The following CTNNA3 variants were observed in gnomAD, a reference collection of about 807,000 sequenced individuals.
CTNNA3 encodes catenin alpha 3, also known as catenin alpha-3.
CTNNA3 carries 76 observed loss-of-function variants against 95.7 expected under a neutral mutation model. The ratio of observed to expected loss-of-function variants is 0.79; its 90% confidence interval spans 0.66 to 0.96. The LOEUF (loss-of-function observed/expected upper bound fraction) is 0.96, where lower values mean the gene tolerates loss of function less well. Ranked by LOEUF, CTNNA3 falls within the 40% of genes least tolerant of loss-of-function variation. The pLI is 0.00. For missense variants in CTNNA3, 1,191 were observed against 1,089.8 expected, an observed-to-expected ratio of 1.09 and a Z score of -1.31; for synonymous variants, 431 against 374.4, an observed-to-expected ratio of 1.15 and a Z score of -1.74.
intron 12 of CTNNA3, among the ~76,000 whole-genome samples, chr10:66,369,908 C>G (rs1408670001): frequency 6.6e-6 from 1 of 151,992 alleles, no homozygotes. Context: ...ATTGTAACCA[C>G]CCCCACCCAA....
At chr10:66,047,040 T>C (rs535688278) in intron 15 of CTNNA3, among the ~76,000 whole-genome samples, 46 of 152,298 alleles carry the variant, frequency 3.0e-4, no homozygotes, top group Middle Eastern at 3.4e-3. Flanking sequence ...AGCCGAATTC[T>C]ACTAGATGTA....
chr10:67,365,680 C>T lies in CTNNA3; in HGVS notation c.580-145810G>A, dbSNP rs1439376327. On this transcript the variant is annotated intron_variant, in intron 5 of 17. Transcript: ENST00000433211. ...GCAAATCAAAACTATGATGAGATAC[C>T]ATCTCACGCCAGTTAGAATGGCAAT... is the stretch of plus-strand genomic sequence containing the variant. 6.8e-4 allele frequency among the ~76,000 whole-genome samples: 104 copies of T among 152,172 alleles called. 1 individual carries two copies. The highest frequency in any genetic ancestry group is 6.8e-3 in the Admixed American group (104 of 15,274).
intron 17 of CTNNA3, among the ~76,000 whole-genome samples, chr10:65,956,600 T>C (rs1343705238): frequency 6.6e-6 from 1 of 152,200 alleles, no homozygotes; most frequent in African/African-American, 2.4e-5. Flanking sequence ...TTTGTTCTCA[T>C]TGGTTTCAAA....
At chr10:66,804,034 G>A (rs1267147660) in intron 7 of CTNNA3, among the ~76,000 whole-genome samples, 1 of 149,646 alleles carries the variant, frequency 6.7e-6, no homozygotes, top group Non-Finnish European at 1.5e-5. Context: ...ACTGACATTT[G>A]TGAATATGAT....
At chr10:66,372,291 A>T (rs139488277) in intron 12 of CTNNA3, among the ~76,000 whole-genome samples, 1 of 152,324 alleles carries the variant, frequency 6.6e-6, no homozygotes, top group African/African-American at 2.4e-5. Flanking sequence ...GTAAATCTGA[A>T]TTAGTCATTT....
At chr10:66,147,587 G>A (rs1192837074) in intron 13 of CTNNA3, among the ~76,000 whole-genome samples, 6 of 147,470 alleles carry the variant, frequency 4.1e-5, no homozygotes, top group Non-Finnish European at 8.9e-5. Context: ...AGCCTTTTGA[G>A]GGACACTCAG....
intron 7 of CTNNA3, among the ~76,000 whole-genome samples, chr10:66,903,969 A>G (rs1397259468): frequency 6.6e-6 from 1 of 152,228 alleles, no homozygotes; most frequent in Non-Finnish European, 1.5e-5. Flanking sequence ...TAATTTATAG[A>G]TTCAAAGTCG....
intron 15 of CTNNA3, among the ~76,000 whole-genome samples, chr10:66,062,541 C>T (rs905333276): frequency 3.3e-5 from 5 of 152,038 alleles, no homozygotes; most frequent in Admixed American, 6.6e-5. Context: ...AAAAACATTA[C>T]GGTGTCTGAG....
At chr10:66,888,302 T>A (rs1845123364) in intron 7 of CTNNA3, among the ~76,000 whole-genome samples, 1 of 152,092 alleles carries the variant, frequency 6.6e-6, no homozygotes, top group African/African-American at 2.4e-5. Context: ...CTGTAAACAC[T>A]TTAAGAGTAA....
At chr10:66,497,423 AAGT>A (rs963743085) in intron 11 of CTNNA3, among the ~76,000 whole-genome samples, 4 of 152,006 alleles carry the variant, frequency 2.6e-5, no homozygotes, top group African/African-American at 9.7e-5. Context: ...TTAATGGAGA[AAGT>A]AGTTTTCTAG....
At chr10:65,954,127 T>C (rs184126292) in intron 17 of CTNNA3, among the ~76,000 whole-genome samples, 587 of 152,366 alleles carry the variant, frequency 3.9e-3, no homozygotes, top group Non-Finnish European at 5.0e-3. Context: ...TGCATTTCTC[T>C]GATCGTCAGT....
chr10:67,152,171 G>A (rs192136081), intron 7 of CTNNA3, among the ~76,000 whole-genome samples: 23 of 152,294 alleles, frequency 1.5e-4, no homozygotes, highest in Non-Finnish European at 3.1e-4. Context: ...TGGAGGCAGG[G>A]AGTGAACTTG....
chr10:66,053,346 T>G (rs2080003277), intron 15 of CTNNA3, among the ~76,000 whole-genome samples: 1 of 152,088 alleles, frequency 6.6e-6, no homozygotes, highest in Non-Finnish European at 1.5e-5. Context: ...TTAATTTTAT[T>G]TTTTAAACTT....
intron 17 of CTNNA3, among the ~76,000 whole-genome samples, chr10:65,935,260 TA>T (rs1410241483): frequency 6.6e-6 from 1 of 152,202 alleles, no homozygotes; most frequent in Non-Finnish European, 1.5e-5. Flanking sequence ...AAGAAGATGC[TA>T]AAATGTGTTT....
At chr10:66,292,072 C>G (rs2091691556) in intron 12 of CTNNA3, among the ~76,000 whole-genome samples, 1 of 121,920 alleles carries the variant, frequency 8.2e-6, no homozygotes. Flanking sequence ...CATGCATATA[C>G]AGATACACAC....
intron 7 of CTNNA3, among the ~76,000 whole-genome samples, chr10:67,091,160 C>T (rs960026744): frequency 6.6e-6 from 1 of 151,986 alleles, no homozygotes; most frequent in South Asian, 2.1e-4. Context: ...TCCAAACACA[C>T]ATCAAATTGC....
chr10:67,247,114 C>T (rs1865936693), intron 5 of CTNNA3, among the ~76,000 whole-genome samples: 1 of 152,190 alleles, frequency 6.6e-6, no homozygotes, highest in Admixed American at 6.5e-5. Flanking sequence ...TGTCCCCTTT[C>T]ACTAGTTCTA....
Position 67,603,615 on chromosome 10 carries a change from AT to A in CTNNA3, c.292+3241del, listed in dbSNP as rs1362657483. 8.6e-5 allele frequency among the ~76,000 whole-genome samples: 13 copies of A among 151,978 alleles called. No individual in the cohort carries two copies. The East Asian group carries it at 9.8e-4, about 11-fold the overall frequency. On this transcript the variant is annotated intron_variant, in intron 3 of 17. Transcript: ENST00000433211. ...AAAACTTTAAACCGTAAAAAAAAAAATAATTAAAAATGTAAAAAAGAAAAAA... is the reference window on the plus strand; with the variant it reads ...AAAACTTTAAACCGTAAAAAAAAAAAAATTAAAAATGTAAAAAAGAAAAAA...
At chr10:66,765,791 G>T (rs1429678757) in intron 9 of CTNNA3, among the ~76,000 whole-genome samples, 1 of 152,054 alleles carries the variant, frequency 6.6e-6, no homozygotes, top group Non-Finnish European at 1.5e-5. Context: ...CCCCTGTGGG[G>T]ACATGAGCCA....
Sources: allele counts gnomAD v4.1 joint callset (sites outside exome capture counted in the v4.1 genomes callset), GRCh38; gene constraint gnomAD v4.1.1; transcripts MANE v1.5; gene names NCBI Gene and HGNC (gene_info 2026-07-23, HGNC 2026-07-21).